BBS7: variants seen among roughly 807,000 people sequenced by gnomAD.
The protein encoded by BBS7 is Bardet-Biedl syndrome 7.
Under a neutral mutation model 90.3 loss-of-function variants are expected in BBS7, and 50 were observed. That is an observed-to-expected ratio of 0.55 (90% CI 0.44 to 0.70). The LOEUF (loss-of-function observed/expected upper bound fraction) is 0.70, where lower values mean the gene tolerates loss of function less well. BBS7 is among the 30% of genes least tolerant of loss of function. The probability of loss-of-function intolerance (pLI) is 0.00; values close to 1 mark genes in which losing one functional copy is unlikely to be tolerated. For missense variants in BBS7, 729 were observed against 838.9 expected (o/e 0.87, Z 1.62); for synonymous variants, 235 against 287.4 (o/e 0.82, Z 1.85).
chr4:121,846,078 G>GA (rs1256823545), intron 10 of BBS7, among the ~76,000 whole-genome samples: 2 of 152,144 alleles, frequency 1.3e-5, no homozygotes, highest in Non-Finnish European at 2.9e-5. Flanking sequence ...TAGTCTTAAT[G>GA]AAAAGAGACA....
chr4:121,853,159 G>T, intron 7 of BBS7, 73 bp from the exon 8 acceptor site: 1 of 1,517,128 alleles, frequency 6.6e-7, no homozygotes, highest in Non-Finnish European at 9.1e-7. Flanking sequence ...AAGTAAGAAT[G>T]AAAAAAACAC....
At chr4:121,844,206 G>T (rs1373506173) in intron 11 of BBS7, among the ~76,000 whole-genome samples, 1 of 152,048 alleles carries the variant, frequency 6.6e-6, no homozygotes, top group African/African-American at 2.4e-5. Flanking sequence ...ACAATCACCT[G>T]CTTTTTTCTA....
At chr4:121,848,749 CTG>C in intron 9 of BBS7, 93 bp downstream of exon 9, 4 of 1,017,624 alleles carry the variant, frequency 3.9e-6, no homozygotes, top group African/African-American at 3.2e-5. Context: ...ACTACTATAA[CTG>C]TTTTTTAAAA....
chr4:121,834,004 C>G (rs1031160846), intron 14 of BBS7, among the ~76,000 whole-genome samples: 3 of 151,952 alleles, frequency 2.0e-5, no homozygotes, highest in Admixed American at 1.3e-4. Context: ...AGCTCTGTGC[C>G]ATTGGACAAC....
intron 12 of BBS7, among the ~76,000 whole-genome samples, chr4:121,842,572 G>A (rs1725799886): frequency 6.6e-6 from 1 of 151,866 alleles, no homozygotes; most frequent in African/African-American, 2.4e-5. Flanking sequence ...GGAGGTCGAG[G>A]CTGCAGCGAG....
chr4:121,835,146 G>A lies in BBS7; in HGVS notation c.1509C>T (p.Asp503=). The A allele has an allele frequency of 1.2e-6, 2 of 1,613,760 alleles. No homozygotes were observed. Among genetic ancestry groups the A allele is most frequent in the Non-Finnish European group, 1.7e-6 (2 of 1,179,766 alleles). The change falls in exon 14 of 19, where the codon GAC becomes GAT. Residue 503 remains aspartate (D), a splice_region_variant and synonymous_variant. Transcript: ENST00000264499. ...ATTTGCTCTTTCCTTTGTCCTACCT[G>A]TCATGATCAATAAAGTGAGTTCTTT... ...LHQRTHFIDH[D]RPMNTLTLTG...
At chr4:121,830,265 G>A (rs922891563) in intron 15 of BBS7, among the ~76,000 whole-genome samples, 1 of 152,182 alleles carries the variant, frequency 6.6e-6, no homozygotes, top group Non-Finnish European at 1.5e-5. Context: ...GCCAGGCGTG[G>A]TAGCACACTC....
chr4:121,850,417 T>C (rs886903972), intron 8 of BBS7, among the ~76,000 whole-genome samples: 12 of 152,110 alleles, frequency 7.9e-5, no homozygotes, highest in Non-Finnish European at 1.6e-4. Context: ...CCTCCTGCCT[T>C]GGCCTCCCAA....
At chr4:121,841,767 C>T (rs1457855212) in intron 12 of BBS7, among the ~76,000 whole-genome samples, 3 of 152,030 alleles carry the variant, frequency 2.0e-5, no homozygotes, top group African/African-American at 7.2e-5. Flanking sequence ...ACAGATTAAT[C>T]TTTCATAGTA....
At chr4:121,838,388 G>A (rs1049806831) in intron 13 of BBS7, among the ~76,000 whole-genome samples, 1 of 145,210 alleles carries the variant, frequency 6.9e-6, no homozygotes, top group Non-Finnish European at 1.5e-5. Context: ...AAACCTTTGA[G>A]TTTCAAAACA....
intron 2 of BBS7, among the ~76,000 whole-genome samples, chr4:121,863,540 C>T (rs1233423191): frequency 1.3e-5 from 2 of 151,950 alleles, no homozygotes; most frequent in African/African-American, 2.4e-5. Context: ...TTTTGTTTTG[C>T]TTTTTTTCAA....
intron 2 of BBS7, among the ~76,000 whole-genome samples, chr4:121,864,614 A>G (rs1254377586): frequency 6.6e-6 from 1 of 152,226 alleles, no homozygotes; most frequent in Non-Finnish European, 1.5e-5. Flanking sequence ...TGATACATAC[A>G]ACTTACATAA....
At chr4:121,847,621 G>A in intron 9 of BBS7, 115 bp from the exon 10 acceptor site, 2 of 770,630 alleles carry the variant, frequency 2.6e-6, no homozygotes, top group Non-Finnish European at 4.6e-6. Context: ...ACCAATATCA[G>A]CCTAACTTAA....
At chr4:121,860,217 A>G (rs530739816) in intron 4 of BBS7, among the ~76,000 whole-genome samples, 1 of 152,040 alleles carries the variant, frequency 6.6e-6, no homozygotes, top group Non-Finnish European at 1.5e-5. Context: ...AAAATTTTAA[A>G]TTCCATTTTG....
At chr4:121,851,383 A>AG (rs1211615085) in intron 8 of BBS7, among the ~76,000 whole-genome samples, 43 of 150,440 alleles carry the variant, frequency 2.9e-4, no homozygotes, top group Admixed American at 6.0e-4. Flanking sequence ...GAGCAGGAAA[A>AG]AAAAAAAAAA....
chr4:121,870,131 C>A, intron 1 of BBS7, 147 bp downstream of exon 1: 1 of 911,030 alleles, frequency 1.1e-6, no homozygotes, highest in South Asian at 1.4e-5. Flanking sequence ...TGCCCAAAGG[C>A]GGGGTGCTGA....
chr4:121,839,818 T>G (rs1413324265), intron 12 of BBS7, 122 bp from the exon 13 acceptor site: 4 of 782,952 alleles, frequency 5.1e-6, no homozygotes, highest in Middle Eastern at 4.6e-4. Flanking sequence ...TCAGCGCTTT[T>G]CAAACATGTT....
rs1727376465 is a variant in BBS7 at position 121,867,932 on chromosome 4, CCT to C, written c.102+47_102+48del. 6 of 1,448,720 alleles carry C rather than the reference CCT, an allele frequency of 4.1e-6. No homozygotes were observed. The South Asian group carries it at 6.9e-5, about 17-fold the overall frequency. The allele number at this position is 1,448,720 out of a possible 1,614,324, so 89.7% of individuals were successfully genotyped here. ...AATAAAGAAGGAAATAGGAGCCTCT[CCT>C]CTGTCACTGCTAGGGAATAGTGGAG... On this transcript the variant is annotated intron_variant, in intron 2 of 18. Coordinates refer to ENST00000264499, the MANE Select transcript of BBS7 (RefSeq NM_176824.3).
intron 13 of BBS7, among the ~76,000 whole-genome samples, chr4:121,837,521 A>G (rs1174912046): frequency 6.6e-6 from 1 of 152,198 alleles, no homozygotes; most frequent in Admixed American, 6.5e-5. Context: ...AAATAGAAAT[A>G]GTGATTTAAT....
Sources: gnomAD v4.1 joint callset for allele counts (sites outside exome capture counted in the v4.1 genomes callset) on GRCh38, gnomAD v4.1.1 for gene constraint, MANE v1.5 for transcripts, NCBI Gene and HGNC (gene_info 2026-07-23, HGNC 2026-07-21) for gene names.